FTCDNL1: variants seen among roughly 807,000 people sequenced by gnomAD.
FTCDNL1 encodes the protein formiminotransferase cyclodeaminase N-terminal like.
A neutral mutation model predicts 5.9 loss-of-function variants in FTCDNL1; 11 were observed. The observed-to-expected ratio is 1.87, with a 90% CI of 1.18 to 3.10. The LOEUF (loss-of-function observed/expected upper bound fraction) is 3.10, where lower values mean the gene tolerates loss of function less well. Ranked by LOEUF, FTCDNL1 falls within the 30% of genes most tolerant of loss-of-function variation. FTCDNL1 has a pLI of 0.00. For missense variants in FTCDNL1, 115 were observed against 65.5 expected (o/e 1.76, Z -2.61); for synonymous variants, 58 against 24.8 (o/e 2.34, Z -3.99).
At chr2:199,826,591 T>C (rs1170932388) in intron 3 of FTCDNL1, among the ~76,000 whole-genome samples, 1 of 151,154 alleles carries the variant, frequency 6.6e-6, no homozygotes, top group Non-Finnish European at 1.5e-5. Flanking sequence ...GGTCGACAGG[T>C]CAAGCCCAGC....
At chr2:199,701,212 A>G in the FTCDNL1 span, among the ~76,000 whole-genome samples, 3 of 151,256 alleles carry the variant, frequency 2.0e-5, no homozygotes, top group African/African-American at 4.8e-5. Flanking sequence ...AAAAATGCTC[A>G]ACGTCGCTAA....
At chr2:199,781,422 G>A (rs941775880) in intron 3 of FTCDNL1, among the ~76,000 whole-genome samples, 40 of 152,074 alleles carry the variant, frequency 2.6e-4, no homozygotes, top group African/African-American at 9.7e-4. Flanking sequence ...AATTTAATGG[G>A]CTCCTGAATC....
At chr2:199,842,790 C>T (rs1033463406) in intron 3 of FTCDNL1, among the ~76,000 whole-genome samples, 1 of 152,002 alleles carries the variant, frequency 6.6e-6, no homozygotes, top group East Asian at 1.9e-4. Flanking sequence ...GCCCTTTGTC[C>T]AGAGAAAGTT....
chr2:199,770,912 G>A lies in FTCDNL1; in HGVS notation c.212-10077C>T, dbSNP rs548697532. Among the ~76,000 whole-genome samples the A allele has an allele frequency of 4.6e-5, 7 of 152,324 alleles. No homozygotes were observed. The South Asian group carries it at 1.0e-3, about 23-fold the overall frequency. On this transcript the variant is annotated intron_variant, in intron 3 of 3. Transcript: ENST00000416668. The stretch of plus-strand genomic sequence containing the variant: ...GCAGATGCACAGAGAGAGCTGCACA[G>A]AGCCGTAAGCTCTTACTCTGCTAAG...
At chr2:199,756,639 T>A (rs1698082577), downstream of FTCDNL1, among the ~76,000 whole-genome samples, 1 of 152,240 alleles carries the variant, frequency 6.6e-6, no homozygotes, top group Non-Finnish European at 1.5e-5. Flanking sequence ...AGTCTCAATA[T>A]GTTGATTAGA....
chr2:199,697,801 G>A, the FTCDNL1 span, among the ~76,000 whole-genome samples: 22 of 152,234 alleles, frequency 1.4e-4, no homozygotes, highest in African/African-American at 5.3e-4. Context: ...AAAAGTACCT[G>A]GCCTAAATGC....
At chr2:199,831,073 G>A (rs1012822808) in intron 3 of FTCDNL1, among the ~76,000 whole-genome samples, 1 of 152,124 alleles carries the variant, frequency 6.6e-6, no homozygotes, top group African/African-American at 2.4e-5. Flanking sequence ...TCAAAAGGAC[G>A]AACTTAAAAA....
chr2:199,826,074 T>C (rs766542447), intron 3 of FTCDNL1, among the ~76,000 whole-genome samples: 2 of 152,200 alleles, frequency 1.3e-5, no homozygotes, highest in Non-Finnish European at 2.9e-5. Flanking sequence ...ACTAAATACA[T>C]GTTTCCTGGC....
chr2:199,832,015 C>G (rs183044607), intron 3 of FTCDNL1, among the ~76,000 whole-genome samples: 1 of 152,120 alleles, frequency 6.6e-6, no homozygotes, highest in East Asian at 1.9e-4. Flanking sequence ...GATACAGATA[C>G]AAGTATTCAT....
At chr2:199,704,820 CTTGTAAACCACCCCAAA>C in the FTCDNL1 span, among the ~76,000 whole-genome samples, 1 of 152,118 alleles carries the variant, frequency 6.6e-6, no homozygotes, top group East Asian at 1.9e-4. Flanking sequence ...AACTAGGAAT[CTTGTAAACCACCCCAAA>C]TTGTAAACCA....
the FTCDNL1 span, among the ~76,000 whole-genome samples, chr2:199,732,668 T>C: frequency 1.3e-5 from 2 of 151,962 alleles, no homozygotes; most frequent in Admixed American, 6.6e-5. Flanking sequence ...AGCCAACACA[T>C]AGACTTCCTG....
the FTCDNL1 span, among the ~76,000 whole-genome samples, chr2:199,724,084 G>T: frequency 2.0e-5 from 3 of 152,100 alleles, no homozygotes; most frequent in Non-Finnish European, 2.9e-5. Context: ...TCTATTCAGG[G>T]ATTCAACTTC....
At chr2:199,802,865 T>C (rs569742353) in intron 3 of FTCDNL1, among the ~76,000 whole-genome samples, 32 of 152,186 alleles carry the variant, frequency 2.1e-4, no homozygotes, top group Middle Eastern at 6.8e-3. Context: ...AACTAGAAGC[T>C]AATAGTTCTT....
intron 3 of FTCDNL1, among the ~76,000 whole-genome samples, chr2:199,767,357 A>T (rs563362270): frequency 6.6e-6 from 1 of 152,326 alleles, no homozygotes; most frequent in African/African-American, 2.4e-5. Flanking sequence ...AGCCAAGAAC[A>T]GTCAGCTTCT....
the FTCDNL1 span, among the ~76,000 whole-genome samples, chr2:199,682,180 C>A: frequency 2.6e-5 from 4 of 152,244 alleles, no homozygotes; most frequent in Admixed American, 6.5e-5. Context: ...CAGATTGCCT[C>A]CATAATGTGG....
In FTCDNL1 at chr2:199,787,182, C is replaced by A. The variant is rs539289975; in HGVS notation, c.212-26347G>T. The stretch of plus-strand genomic sequence containing the variant: ...TGATTGGCAACCTTAATTTTCTTTT[C>A]TTTTCTTTTTTTTTTTTGAGATAGA... On this transcript the variant is annotated intron_variant, in intron 3 of 3. Coordinates refer to the FTCDNL1 transcript ENST00000416668. 8.6e-5 allele frequency among the ~76,000 whole-genome samples: 13 copies of A among 150,798 alleles called. No homozygotes were observed. The South Asian group carries it at 1.5e-3, about 17-fold the overall frequency.
At chr2:199,720,049 T>C in the FTCDNL1 span, among the ~76,000 whole-genome samples, 63 of 152,296 alleles carry the variant, frequency 4.1e-4, no homozygotes, top group African/African-American at 1.4e-3. Context: ...CTTCTTGATT[T>C]GATCCTCAGC....
the FTCDNL1 span, among the ~76,000 whole-genome samples, chr2:199,745,159 C>T: frequency 2.6e-5 from 4 of 152,232 alleles, no homozygotes; most frequent in Admixed American, 2.6e-4. Context: ...TCTAGTTTTA[C>T]TGATATTTAT....
chr2:199,827,998 G>C (rs918571298), intron 3 of FTCDNL1, among the ~76,000 whole-genome samples: 1 of 152,122 alleles, frequency 6.6e-6, no homozygotes, highest in African/African-American at 2.4e-5. Flanking sequence ...TTACAATGAA[G>C]AGACAACCAA....
Sources: allele counts gnomAD v4.1 joint callset (sites outside exome capture counted in the v4.1 genomes callset), GRCh38; gene constraint gnomAD v4.1.1; transcripts MANE v1.5; gene names NCBI Gene and HGNC (gene_info 2026-07-23, HGNC 2026-07-21).